EYS: variants seen among roughly 807,000 people sequenced by gnomAD.
The protein encoded by EYS is EGF-like photoreceptor maintenance factor.
A neutral mutation model predicts 282.1 loss-of-function variants in EYS; 250 were observed. The ratio of observed to expected loss-of-function variants is 0.89; its 90% confidence interval spans 0.80 to 0.98. The LOEUF is 0.98. Among genes scored for constraint, EYS ranks in the 50% least tolerant of loss-of-function variants. The pLI, the probability that EYS is intolerant of heterozygous loss-of-function variation, is 0.00. For missense variants in EYS, 4,016 were observed against 3,709.0 expected (o/e 1.08, Z -2.15); for synonymous variants, 1,355 against 1,282.9 (o/e 1.06, Z -1.20).
chr6:64,686,892 T>C (rs200235706), intron 22 of EYS, among the ~76,000 whole-genome samples: 18,526 of 46,632 alleles, frequency 0.4, 7,859 homozygotes, highest in Middle Eastern at 0.69. Context: ...TACACACACA[T>C]ATATATGTGT....
intron 2 of EYS, among the ~76,000 whole-genome samples, chr6:65,619,855 T>A (rs1156968040): frequency 6.6e-6 from 1 of 150,810 alleles, no homozygotes; most frequent in African/African-American, 2.4e-5. Flanking sequence ...CTGGATTACA[T>A]TTATTGATTT....
At chr6:65,081,198 G>A (rs146447101) in intron 12 of EYS, among the ~76,000 whole-genome samples, 142 of 152,108 alleles carry the variant, frequency 9.3e-4, no homozygotes, top group African/African-American at 3.4e-3. Context: ...ATCATTATGT[G>A]TCAGATACTG....
In EYS at chr6:64,591,850, A is replaced by C. The variant is rs1281631053; in HGVS notation, c.4017T>G (p.Leu1339=). 1 of 1,551,286 alleles carries C rather than the reference A, an allele frequency of 6.4e-7. No individual in the cohort carries two copies. The highest frequency in any genetic ancestry group is 1.2e-5 in the South Asian group (1 of 84,046). Residue 1339 remains leucine (L), a synonymous_variant, in exon 26 of 43, where the codon CTT becomes CTG. Coordinates refer to ENST00000503581, the MANE Select transcript of EYS (RefSeq NM_001142800.2). ...VTRELSAKHS[L]LSSADVSSSR... is the part of the protein sequence containing the mutation. ...AAGAGGAAACATCTGCGGAAGAAAG[A>C]AGACTGTGTTTTGCTGAAAGCTCTC... is the stretch of plus-strand genomic sequence containing the variant.
At chr6:64,965,074 C>T (rs1770048711) in intron 14 of EYS, among the ~76,000 whole-genome samples, 1 of 151,992 alleles carries the variant, frequency 6.6e-6, no homozygotes, top group South Asian at 2.1e-4. Flanking sequence ...ACAATTTACC[C>T]TCATGCCCAA....
chr6:65,544,023 TGTGTGTGA>T (rs1044838016), intron 2 of EYS, among the ~76,000 whole-genome samples: 20 of 135,996 alleles, frequency 1.5e-4, no homozygotes, highest in African/African-American at 4.7e-4. Flanking sequence ...TGTGTGTGTG[TGTGTGTGA>T]GAGAGAGAGA....
intron 30 of EYS, among the ~76,000 whole-genome samples, chr6:64,241,009 T>G (rs1417212382): frequency 3.9e-5 from 6 of 152,148 alleles, no homozygotes; most frequent in Non-Finnish European, 8.8e-5. Context: ...ATTGAGATAA[T>G]TATGGTTTTT....
At chr6:65,174,640 A>G (rs564419919) in intron 12 of EYS, among the ~76,000 whole-genome samples, 1 of 151,508 alleles carries the variant, frequency 6.6e-6, no homozygotes, top group East Asian at 2.0e-4. Flanking sequence ...TTCATCTGAC[A>G]ATGAATTTTA....
chr6:64,975,930 T>C (rs1369416028), intron 14 of EYS, among the ~76,000 whole-genome samples: 1 of 152,010 alleles, frequency 6.6e-6, no homozygotes, highest in Non-Finnish European at 1.5e-5. Flanking sequence ...AAAAGCTAAT[T>C]TGATAAAACA....
chr6:65,398,720 G>C (rs1447511854), intron 7 of EYS, among the ~76,000 whole-genome samples: 1 of 152,034 alleles, frequency 6.6e-6, no homozygotes, highest in African/African-American at 2.4e-5. Context: ...TAGCCCGATA[G>C]CTTCTCTAAA....
At chr6:65,246,468 A>G (rs979993835) in intron 12 of EYS, among the ~76,000 whole-genome samples, 4 of 152,152 alleles carry the variant, frequency 2.6e-5, no homozygotes, top group African/African-American at 9.6e-5. Context: ...AATTAAGAGA[A>G]CTTTATTTGG....
At chr6:64,668,429 A>T (rs1486147550) in intron 22 of EYS, among the ~76,000 whole-genome samples, 2 of 151,666 alleles carry the variant, frequency 1.3e-5, no homozygotes, top group African/African-American at 4.9e-5. Context: ...CTAAATGCTT[A>T]TCATATTTGT....
intron 26 of EYS, among the ~76,000 whole-genome samples, chr6:64,551,536 CTT>C (rs34550861): frequency 1.9e-4 from 25 of 131,734 alleles, no homozygotes; most frequent in Admixed American, 5.4e-4. Context: ...CAAGTGCATT[CTT>C]TTTTTTTTTT....
chr6:64,492,013 C>T (rs1033699717), intron 26 of EYS, among the ~76,000 whole-genome samples: 20 of 151,036 alleles, frequency 1.3e-4, no homozygotes, highest in Admixed American at 1.3e-4. Flanking sequence ...TATGAGAATG[C>T]TATAGCCAAG....
At chr6:64,377,941 G>A (rs6904928) in intron 29 of EYS, 25 of 152,172 alleles carry the variant, frequency 1.6e-4, no homozygotes, top group East Asian at 1.4e-3. Flanking sequence ...GGGTAAGTAC[G>A]CATCTACTGG....
chr6:65,611,176 T>C lies in EYS; in HGVS notation c.-333+28602A>G, dbSNP rs558186006. Among the ~76,000 whole-genome samples the C allele has an allele frequency of 2.8e-4, 35 of 125,772 alleles. 1 individual carries two copies. The East Asian group carries it at 6.1e-3, about 22-fold the overall frequency. 82.5% of individuals were successfully genotyped at this position (125,772 alleles called of 152,430 possible). Reference sequence around the variant, plus strand: ...TAACCGTGTGGGTATAATTAGAATATTGAAAAAAAAAAAGCTTCCTTTCTT... The same window carrying C: ...TAACCGTGTGGGTATAATTAGAATACTGAAAAAAAAAAAGCTTCCTTTCTT... On this transcript the variant is annotated intron_variant, in intron 2 of 42. Transcript: ENST00000503581.
At chr6:64,596,073 G>A (rs987821392) in intron 24 of EYS, among the ~76,000 whole-genome samples, 5 of 151,984 alleles carry the variant, frequency 3.3e-5, no homozygotes, top group African/African-American at 1.2e-4. Flanking sequence ...AAGAGAGAGA[G>A]AGCCAGGGAG....
Position 65,391,973 on chromosome 6 carries a change from A to T in EYS, c.1185-7473T>A, listed in dbSNP as rs1353274708. 2.0e-5 allele frequency among the ~76,000 whole-genome samples: 3 copies of T among 151,886 alleles called. No homozygotes were observed. The East Asian group carries it at 5.8e-4, about 30-fold the overall frequency. On this transcript the variant is annotated intron_variant, in intron 7 of 42. Transcript: ENST00000503581. ...GCATGGTACTGGTACCAAAACAGAG[A>T]TATAGATCAATGGAACAGAACAGAG...
chr6:65,233,309 C>T (rs1766837579), intron 12 of EYS, among the ~76,000 whole-genome samples: 1 of 151,954 alleles, frequency 6.6e-6, no homozygotes, highest in South Asian at 2.1e-4. Context: ...AATACATTAC[C>T]CACCCCTCCA....
chr6:64,006,451 C>T (rs902796280), intron 33 of EYS, among the ~76,000 whole-genome samples: 4 of 152,108 alleles, frequency 2.6e-5, no homozygotes, highest in African/African-American at 9.7e-5. Flanking sequence ...AGTTTGACTT[C>T]CTCTTTTCTT....
Sources: gnomAD v4.1 joint callset for allele counts (sites outside exome capture counted in the v4.1 genomes callset) on GRCh38, gnomAD v4.1.1 for gene constraint, MANE v1.5 for transcripts, NCBI Gene and HGNC (gene_info 2026-07-23, HGNC 2026-07-21) for gene names.